Variants in FLNC observed in about 807,000 individuals in gnomAD.
FLNC encodes the protein filamin-C.
In FLNC, 91 loss-of-function variants were observed where a neutral mutation model predicts 254.3. The observed-to-expected ratio is 0.36, with a 90% CI of 0.30 to 0.43. FLNC has a LOEUF of 0.43. FLNC is among the 20% of genes least tolerant of loss of function. FLNC has a pLI of 1.00. For missense variants in FLNC, 2,853 were observed against 3,802.6 expected (o/e 0.75, Z 6.57); for synonymous variants, 1,430 against 1,577.2 (o/e 0.91, Z 2.21).
chr7:128,837,294 G>A, intron 3 of FLNC, 37 bp downstream of exon 3: 1 of 1,590,532 alleles, frequency 6.3e-7, no homozygotes, highest in Non-Finnish European at 8.6e-7. Context: ...AAAGGGGGCA[G>A]GGGCAGAGGT....
Position 128,848,678 on chromosome 7 carries a change from A to G in FLNC, c.4698A>G (p.Ala1566=). 1 of 1,613,300 alleles carries G rather than the reference A, an allele frequency of 6.2e-7. No homozygotes were observed. Among genetic ancestry groups the G allele is most frequent in the Non-Finnish European group, 8.5e-7 (1 of 1,179,988 alleles). ...ASLPVEFTID[A]RDAGEGLLTV... ...TGCCTGTGGAGTTCACCATCGACGC[A>G]CGGGACGCGGGCGAGGGGTTGCTCA... The change falls in exon 27 of 48, where the codon GCA becomes GCG. Residue 1566 remains alanine, a synonymous_variant. Coordinates refer to ENST00000325888, the MANE Select transcript of FLNC (RefSeq NM_001458.5).
At position 128,838,402 on chromosome 7, in the gene FLNC, C is replaced by T. The variant is rs1462923704; in HGVS notation, c.1183C>T (p.Pro395Ser). The T allele has an allele frequency of 6.2e-7, 1 of 1,613,124 alleles. No individual in the cohort carries two copies. The highest frequency in any genetic ancestry group is 2.2e-5 in the East Asian group (1 of 44,804). Residue 395 changes from proline to serine, a missense_variant, in exon 7 of 48, where the codon CCC (proline) becomes TCC (serine). Physicochemically the swap from Pro to Ser is moderately conservative, Grantham distance 74. This residue lies in a region of FLNC where 1,573 missense variants were observed against 1,883.5 expected (regional missense o/e 0.84). Coordinates refer to ENST00000325888, the MANE Select transcript of FLNC (RefSeq NM_001458.5). ...LEPVGNVANK[P>S]TYFDIYTAGA... Reference sequence around the variant, plus strand: ...ACCTGTGGGCAATGTGGCCAACAAACCCACCTACTTTGACATCTACACTGC... The same window carrying T: ...ACCTGTGGGCAATGTGGCCAACAAATCCACCTACTTTGACATCTACACTGC...
In FLNC at chr7:128,840,153, G is replaced by A. The variant is rs763782008; in HGVS notation, c.1542G>A (p.Lys514=). 6.2e-7 allele frequency: 1 copy of A among 1,613,852 alleles called. No individual in the cohort carries two copies. The highest frequency in any genetic ancestry group is 1.7e-5 in the Admixed American group (1 of 60,024). The part of the protein sequence containing the change: ...AGSGELKVTV[K]GPKGTEEPVK... The stretch of plus-strand genomic sequence containing the variant: ...GCGGGGAGCTCAAGGTCACGGTCAA[G>A]GGGCCAAGTGAGTGCCAGAGCCCAG... Residue 514 remains lysine, a synonymous_variant, in exon 9 of 48, where the codon AAG becomes AAA. Coordinates refer to ENST00000325888, the MANE Select transcript of FLNC (RefSeq NM_001458.5).
chr7:128,839,244 C>A (rs1808230839), intron 8 of FLNC, among the ~76,000 whole-genome samples: 2 of 152,228 alleles, frequency 1.3e-5, no homozygotes, highest in Non-Finnish European at 1.5e-5. Context: ...GGAATCGCCC[C>A]CCCTTCCTTG....
chr7:128,853,464 C>T lies in FLNC; in HGVS notation c.6209-5C>T. ...GAGGGAGATGTGTTCCTTGCTTTCCCCCAGGTTATGGGGGCTTGGGGCTGA... is the reference window on the plus strand; with the variant it reads ...GAGGGAGATGTGTTCCTTGCTTTCCTCCAGGTTATGGGGGCTTGGGGCTGA... On this transcript the variant is annotated splice_region_variant and splice_polypyrimidine_tract_variant and intron_variant, in intron 37 of 47. Coordinates refer to ENST00000325888, the MANE Select transcript of FLNC (RefSeq NM_001458.5). 6.2e-7 allele frequency: 1 copy of T among 1,613,940 alleles called. No individual in the cohort carries two copies. The highest frequency in any genetic ancestry group is 8.5e-7 in the Non-Finnish European group (1 of 1,180,014).
chr7:128,835,959 G>T lies in FLNC; in HGVS notation c.601+385G>T, dbSNP rs187756879. Among the ~76,000 whole-genome samples the T allele has an allele frequency of 2.4e-4, 36 of 152,316 alleles. No homozygotes were observed. The East Asian group carries it at 6.8e-3, about 29-fold the overall frequency. On this transcript the variant is annotated intron_variant, in intron 2 of 47. Coordinates refer to ENST00000325888, the MANE Select transcript of FLNC (RefSeq NM_001458.5). The surrounding 1 kb of genome is among the most constrained non-coding windows in gnomAD (Gnocchi z 5.3). ...CACGAGGCACTATTCCTGCCGAGCT[G>T]AGAGAGAGGCAGTGTGGTGACCAGG...
In FLNC at chr7:128,844,029, A is replaced by G. The variant is rs1808451453; in HGVS notation, c.2955A>G (p.Ala985=). ...AGGTGGCTGTGGGACAGGAACAAGC[A>G]TTCTCTGTGAACACACGAGGGGCTG... ...NSKVAVGQEQ[A]FSVNTRGAGG... is the part of the protein sequence containing the mutation. The change falls in exon 20 of 48, where the codon GCA becomes GCG. Residue 985 remains alanine (A), a synonymous_variant. Transcript: ENST00000325888. The G allele has an allele frequency of 6.2e-7, 1 of 1,614,118 alleles. No homozygotes were observed. Among genetic ancestry groups the G allele is most frequent in the Non-Finnish European group, 8.5e-7 (1 of 1,180,038 alleles).
At chr7:128,852,504 G>C (rs61191534) in intron 35 of FLNC, 87 bp from the exon 36 acceptor site, 2 of 1,505,722 alleles carry the variant, frequency 1.3e-6, no homozygotes, top group Non-Finnish European at 1.8e-6. Context: ...TGAGTCCAGG[G>C]GGGGCTGCTC....
chr7:128,846,095 AG>A lies in FLNC; in HGVS notation c.3897del (p.Thr1300GlnfsTer5). The A allele has an allele frequency of 6.2e-7, 1 of 1,614,018 alleles. No individual in the cohort carries two copies. Among genetic ancestry groups the A allele is most frequent in the Non-Finnish European group, 8.5e-7 (1 of 1,180,008 alleles). ...TARVLNPSGAKTDTYVTDNGD... is the reference protein window; with the variant it reads ...TARVLNPSGAXTDTYVTDNGD... ...CGTGTGCTCAACCCCTCGGGGGCCA[AG>A]ACAGACACCTATGTGACAGACAATG... On this transcript the variant is annotated frameshift_variant, in exon 22 of 48. Coordinates refer to ENST00000325888, the MANE Select transcript of FLNC (RefSeq NM_001458.5). LOFTEE classifies it high-confidence loss of function.
chr7:128,834,780 T>C (rs1808032715), intron 1 of FLNC, among the ~76,000 whole-genome samples: 1 of 151,974 alleles, frequency 6.6e-6, no homozygotes, highest in African/African-American at 2.4e-5. Context: ...AGTTGTTGCT[T>C]GGGATGGAGG....
chr7:128,834,654 C>T (rs1056654603), intron 1 of FLNC, among the ~76,000 whole-genome samples: 1 of 151,878 alleles, frequency 6.6e-6, no homozygotes, highest in Non-Finnish European at 1.5e-5. Context: ...AAGATAAAAC[C>T]TAGTGTCTAG....
intron 25 of FLNC, 27 bp downstream of exon 25, chr7:128,847,891 G>T (rs1306558057): frequency 1.9e-6 from 3 of 1,613,874 alleles, no homozygotes; most frequent in South Asian, 1.1e-5. Flanking sequence ...GCAGGGAGGA[G>T]GGAGGTGGGG....
Position 128,851,541 on chromosome 7 carries a change from C to A in FLNC, c.5755C>A (p.Leu1919Met), listed in dbSNP as rs1396059784. ...GGATGGCACCTGCACCGTGTCCTATCTGCCGACTGCGCCTGGAGACTACAG... is the reference window on the plus strand; with the variant it reads ...GGATGGCACCTGCACCGTGTCCTATATGCCGACTGCGCCTGGAGACTACAG... The part of the protein sequence containing the change: ...NKDGTCTVSY[L>M]PTAPGDYSII... The change falls in exon 35 of 48, where the codon CTG becomes ATG. Residue 1919 changes from leucine (L) to methionine (M), a missense_variant. Around this residue, in one of 10 missense-constraint regions of FLNC, gnomAD observed 551 missense variants for 835.0 expected, o/e 0.66. Transcript: ENST00000325888. 1 of 1,613,888 alleles carries A rather than the reference C, an allele frequency of 6.2e-7. No individual in the cohort carries two copies. The highest frequency in any genetic ancestry group is 8.5e-7 in the Non-Finnish European group (1 of 1,180,048).
In FLNC at chr7:128,837,225, C is replaced by A; in HGVS notation, c.667C>A (p.Gln223Lys). Residue 223 changes from glutamine (Q) to lysine (K), a missense_variant, in exon 3 of 48, where the codon CAG becomes AAG. Physicochemically the swap from Gln to Lys is moderately conservative, Grantham distance 53. Around this residue, in one of 10 missense-constraint regions of FLNC, gnomAD observed 115 missense variants for 230.3 expected, o/e 0.50. Transcript: ENST00000325888. ...CGTGGAGAACGCCCGGGAGGCCATGCAGCAGGCCGACGACTGGCTTGGGGT... is the reference window on the plus strand; with the variant it reads ...CGTGGAGAACGCCCGGGAGGCCATGAAGCAGGCCGACGACTGGCTTGGGGT... ...QPVENAREAM[Q>K]QADDWLGVPQ... 1 of 1,597,134 alleles carries A rather than the reference C, an allele frequency of 6.3e-7. No individual in the cohort carries two copies.
In FLNC at chr7:128,852,688, C is replaced by T. The variant is rs753591399; in HGVS notation, c.5940C>T (p.Ser1980=). Reference sequence around the variant, plus strand: ...GTGATCTGAGCCAGCTGACCGCCAGCATCCGTGCCCCCTCGGGCAACGAGG... The same window carrying T: ...GTGATCTGAGCCAGCTGACCGCCAGTATCCGTGCCCCCTCGGGCAACGAGG... ...TESDLSQLTA[S]IRAPSGNEEP... is the part of the protein sequence containing the mutation. The change falls in exon 36 of 48, where the codon AGC becomes AGT. Residue 1980 remains serine, a synonymous_variant. Coordinates refer to ENST00000325888, the MANE Select transcript of FLNC (RefSeq NM_001458.5). 1.2e-6 allele frequency: 2 copies of T among 1,613,350 alleles called. No individual in the cohort carries two copies. The highest frequency in any genetic ancestry group is 4.5e-5 in the East Asian group (2 of 44,876).
At position 128,842,710 on chromosome 7, in the gene FLNC, C is replaced by A; in HGVS notation, c.2389+12C>A. On this transcript the variant is annotated intron_variant, in intron 15 of 47. Coordinates refer to ENST00000325888, the MANE Select transcript of FLNC (RefSeq NM_001458.5). The surrounding 1 kb of genome is among the most constrained non-coding windows in gnomAD (Gnocchi z 5.4). ...CGAGGCGGGGCAAGGTGCGCCCAGC[C>A]GGAAGGGGTGGGTCTGGGAGGGGGC... The A allele has an allele frequency of 3.0e-6, 3 of 1,010,636 alleles. No individual in the cohort carries two copies. Among genetic ancestry groups the A allele is most frequent in the Middle Eastern group, 2.4e-4 (1 of 4,204 alleles). 62.6% of individuals were successfully genotyped at this position (1,010,636 alleles called of 1,614,324 possible). A position where few individuals can be genotyped will look rare whatever the true frequency, so the allele number is the denominator to read the frequency against.
intron 8 of FLNC, among the ~76,000 whole-genome samples, chr7:128,839,074 C>T (rs556576836): frequency 1.8e-4 from 28 of 152,348 alleles, no homozygotes; most frequent in South Asian, 8.3e-4. Context: ...GCCAAGCCCT[C>T]AGGTGGTGAC....
chr7:128,837,365 G>A, intron 3 of FLNC, 33 bp from the exon 4 acceptor site: 1 of 1,613,742 alleles, frequency 6.2e-7, no homozygotes, highest in Non-Finnish European at 8.5e-7. Context: ...GGGAAAAGAG[G>A]GCGCCATGTG....
At position 128,854,040 on chromosome 7, in the gene FLNC, C is replaced by G. The variant is rs772588219; in HGVS notation, c.6551C>G (p.Thr2184Ser). 7 of 1,613,180 alleles carry G rather than the reference C, an allele frequency of 4.3e-6. No individual in the cohort carries two copies. The highest frequency in any genetic ancestry group is 8.5e-7 in the Non-Finnish European group (1 of 1,180,008). ...CGCACCTTCACACGCAGCAGCCACA[C>G]CTACACCCGCACGGAGCGCACGGAG... ...LTRTFTRSSH[T>S]YTRTERTEIS... Residue 2184 changes from threonine (T) to serine (S), a missense_variant, in exon 40 of 48, where the codon ACC (threonine) becomes AGC (serine). By Grantham distance (58) the Thr-to-Ser change is moderately conservative. Coordinates refer to ENST00000325888, the MANE Select transcript of FLNC (RefSeq NM_001458.5).
Sources: allele counts gnomAD v4.1 joint callset (sites outside exome capture counted in the v4.1 genomes callset), GRCh38; gene constraint gnomAD v4.1.1; regional missense constraint gnomAD v4.1.1; non-coding constraint Gnocchi (gnomAD v3.1); transcripts MANE v1.5; gene names NCBI Gene and HGNC (gene_info 2026-07-23, HGNC 2026-07-21).